The following SLC22A9 variants were observed in gnomAD, a reference collection of about 807,000 sequenced individuals.
The protein encoded by SLC22A9 is solute carrier family 22 member 9, also known as organic anion transporter 7.
SLC22A9 carries 64 observed loss-of-function variants against 50.1 expected under a neutral mutation model. The ratio of observed to expected loss-of-function variants is 1.28; its 90% CI spans 1.04 to 1.57. SLC22A9 has a LOEUF of 1.57. SLC22A9 is among the 40% of genes most tolerant of loss of function. The probability of loss-of-function intolerance (pLI) is 0.00; values close to 1 mark genes in which losing one functional copy is unlikely to be tolerated. For missense variants in SLC22A9, 757 were observed against 676.1 expected (o/e 1.12, Z -1.33); for synonymous variants, 261 against 242.5 (o/e 1.08, Z -0.71).
At chr11:63,381,014 G>A (rs1435560447) in intron 5 of SLC22A9, among the ~76,000 whole-genome samples, 1 of 152,010 alleles carries the variant, frequency 6.6e-6, no homozygotes, top group Non-Finnish European at 1.5e-5. Context: ...TATGGAAAAT[G>A]GATTTTATAC....
chr11:63,406,197 A>G (rs1432028983), intron 6 of SLC22A9, among the ~76,000 whole-genome samples: 2 of 152,176 alleles, frequency 1.3e-5, no homozygotes, highest in South Asian at 2.1e-4. Flanking sequence ...ATACCTTTGA[A>G]AAGTCTTCAG....
chr11:63,385,370 A>T (rs1475153669), intron 6 of SLC22A9, among the ~76,000 whole-genome samples: 2 of 152,092 alleles, frequency 1.3e-5, no homozygotes, highest in Non-Finnish European at 2.9e-5. Flanking sequence ...TTGAATCTAT[A>T]AATTGCTTTG....
chr11:63,371,054 T>C (rs2014349365), intron 1 of SLC22A9, 81 bp from the exon 2 acceptor site: 1 of 1,006,358 alleles, frequency 9.9e-7, no homozygotes, highest in Non-Finnish European at 1.5e-6. Context: ...ATTAGGAAAC[T>C]TGCAGATCAT....
intron 6 of SLC22A9, among the ~76,000 whole-genome samples, chr11:63,397,458 C>T (rs1359039706): frequency 1.3e-5 from 2 of 152,130 alleles, no homozygotes; most frequent in African/African-American, 4.8e-5. Context: ...CATGTTATTC[C>T]CTTCACGGTC....
intron 6 of SLC22A9, among the ~76,000 whole-genome samples, chr11:63,400,369 T>C (rs1461775266): frequency 6.6e-6 from 1 of 152,086 alleles, no homozygotes; most frequent in Non-Finnish European, 1.5e-5. Flanking sequence ...TTAGAGACTA[T>C]TATGAGCAAC....
chr11:63,406,911 T>C (rs1002772535), intron 7 of SLC22A9, among the ~76,000 whole-genome samples, 200 bp downstream of exon 7: 7 of 152,162 alleles, frequency 4.6e-5, no homozygotes, highest in Non-Finnish European at 8.8e-5. Context: ...GTTGGCTCTA[T>C]TATATGGTTG....
intron 6 of SLC22A9, among the ~76,000 whole-genome samples, chr11:63,403,931 C>A (rs1207150389): frequency 6.6e-6 from 1 of 151,972 alleles, no homozygotes; most frequent in Non-Finnish European, 1.5e-5. Flanking sequence ...CTACACTCAC[C>A]ATGAAGACAC....
chr11:63,383,272 C>T (rs551124174), intron 6 of SLC22A9, among the ~76,000 whole-genome samples: 14 of 152,184 alleles, frequency 9.2e-5, no homozygotes, highest in African/African-American at 2.9e-4. Context: ...CTTTCCCACC[C>T]GGGATGCCAA....
chr11:63,400,061 A>G (rs1459097855), intron 6 of SLC22A9, among the ~76,000 whole-genome samples: 1 of 152,128 alleles, frequency 6.6e-6, no homozygotes, highest in Non-Finnish European at 1.5e-5. Flanking sequence ...TTATAGCAAT[A>G]AACACCTACC....
intron 6 of SLC22A9, among the ~76,000 whole-genome samples, chr11:63,384,846 C>T (rs985769355): frequency 7.9e-5 from 12 of 151,958 alleles, no homozygotes; most frequent in Non-Finnish European, 1.5e-5. Context: ...TGGTGTGAGA[C>T]GGTATGTTAT....
Position 63,374,000 on chromosome 11 carries a change from A to C in SLC22A9, c.768A>C (p.Arg256=). ...MTLAGLAFAI[R]DWHILQLVVS... is the part of the protein sequence containing the mutation. ...TGGCAGGCCTGGCTTTTGCCATTCG[A>C]GACTGGCATATCCTCCAGCTGGTGG... Residue 256 remains arginine, a synonymous_variant, in exon 4 of 10, where the codon CGA becomes CGC. Transcript: ENST00000279178. 2 of 1,613,546 alleles carry C rather than the reference A, an allele frequency of 1.2e-6. No homozygotes were observed. The highest frequency in any genetic ancestry group is 8.5e-7 in the Non-Finnish European group (1 of 1,179,750).
At position 63,370,324 on chromosome 11, in the gene SLC22A9, C is replaced by T. The variant is rs377211288; in HGVS notation, c.268C>T (p.Arg90Cys). The change falls in exon 1 of 10, where the codon CGC becomes TGC. Residue 90 changes from arginine (R) to cysteine (C), a missense_variant. Coordinates refer to ENST00000279178, the MANE Select transcript of SLC22A9 (RefSeq NM_080866.3). ...DSNMRPEKCR[R>C]FVHPQWQLLH... The stretch of plus-strand genomic sequence containing the variant: ...AAACATGAGGCCAGAGAAGTGTCGT[C>T]GCTTTGTTCATCCTCAGTGGCAGCT... 9.0e-5 allele frequency: 145 copies of T among 1,613,886 alleles called. No homozygotes were observed. Among genetic ancestry groups the T allele is most frequent in the African/African-American group, 1.7e-4 (13 of 74,920 alleles).
At chr11:63,398,106 T>G (rs1403870914) in intron 6 of SLC22A9, among the ~76,000 whole-genome samples, 1 of 152,150 alleles carries the variant, frequency 6.6e-6, no homozygotes, top group Non-Finnish European at 1.5e-5. Flanking sequence ...AGGTGATGAA[T>G]CCTGTCAGGC....
Position 63,386,434 on chromosome 11 carries a change from C to CTT in SLC22A9, c.1073+4190_1073+4191dup, listed in dbSNP as rs71065364. 3.4e-3 allele frequency among the ~76,000 whole-genome samples: 113 copies of CTT among 33,506 alleles called. 25 individuals carry two copies. The highest frequency in any genetic ancestry group is 5.3e-3 in the African/African-American group (30 of 5,632). 22.0% of individuals were successfully genotyped at this position (33,506 alleles called of 152,430 possible). A position where few individuals can be genotyped will look rare whatever the true frequency, so the allele number is the denominator to read the frequency against. On this transcript the variant is annotated intron_variant, in intron 6 of 9. Transcript: ENST00000279178. ...AGCTATAAATCCACGTGGACCTGGA[C>CTT]TTTTTTTTTTTTTTTTTTTTTTTTT...
intron 5 of SLC22A9, among the ~76,000 whole-genome samples, chr11:63,381,434 T>C (rs1280591540): frequency 1.3e-5 from 2 of 152,090 alleles, no homozygotes; most frequent in Non-Finnish European, 2.9e-5. Context: ...TTTTAACAGG[T>C]ACAAAACCTA....
intron 6 of SLC22A9, among the ~76,000 whole-genome samples, chr11:63,387,691 T>C (rs1591020023): frequency 6.6e-6 from 1 of 152,236 alleles, no homozygotes; most frequent in Admixed American, 6.6e-5. Context: ...CTGCGGAAAA[T>C]GTCATTGGTA....
chr11:63,408,629 G>T (rs769272657), intron 8 of SLC22A9, 47 bp from the exon 9 acceptor site: 1 of 1,542,384 alleles, frequency 6.5e-7, no homozygotes, highest in Non-Finnish European at 8.9e-7. Flanking sequence ...CAAATTGCCT[G>T]TGTGGATTTT....
rs1474437437 is a variant in SLC22A9, at chr11:63,370,451, T to C, written c.395T>C (p.Val132Ala). 1.3e-6 allele frequency: 2 copies of C among 1,584,510 alleles called. No homozygotes were observed. The highest frequency in any genetic ancestry group is 2.4e-5 in the South Asian group (2 of 84,556). The change falls in exon 1 of 10, where the codon GTG becomes GCG. Residue 132 changes from valine to alanine, a missense_variant. Coordinates refer to ENST00000279178, the MANE Select transcript of SLC22A9 (RefSeq NM_080866.3). ...YDRISFSSTI[V>A]TEWDLVCDSQ... ...AGAATCTCCTTCTCATCCACCATCG[T>C]GACTGAGGTAAGAGGCTCTGTTCTC... is the stretch of plus-strand genomic sequence containing the variant.
At position 63,408,093 on chromosome 11, in the gene SLC22A9, G is replaced by T. The variant is rs757422034; in HGVS notation, c.1289-19G>T. 2 of 1,604,542 alleles carry T rather than the reference G, an allele frequency of 1.2e-6. No homozygotes were observed. The highest frequency in any genetic ancestry group is 1.7e-6 in the Non-Finnish European group (2 of 1,172,242). On this transcript the variant is annotated intron_variant, in intron 7 of 9. Coordinates refer to ENST00000279178, the MANE Select transcript of SLC22A9 (RefSeq NM_080866.3). Reference sequence around the variant, plus strand: ...TTCAGCTCAGATTTCCTGAGGCCTTGTGTTCTTCCTTTCTCCAGAAATGCA... The same window carrying T: ...TTCAGCTCAGATTTCCTGAGGCCTTTTGTTCTTCCTTTCTCCAGAAATGCA...
Sources: gnomAD v4.1 joint callset for allele counts (sites outside exome capture counted in the v4.1 genomes callset) on GRCh38, gnomAD v4.1.1 for gene constraint, MANE v1.5 for transcripts, NCBI Gene and HGNC (gene_info 2026-07-23, HGNC 2026-07-21) for gene names.